The following PHKA1 variants were observed in gnomAD, a reference collection of about 807,000 sequenced individuals.
PHKA1 encodes the protein phosphorylase b kinase regulatory subunit alpha, skeletal muscle isoform.
In PHKA1, 60 loss-of-function variants were observed where a neutral mutation model predicts 110.2. The ratio of observed to expected loss-of-function variants is 0.54; its 90% CI spans 0.44 to 0.68. PHKA1 has a LOEUF of 0.68. Ranked by LOEUF, PHKA1 falls within the 30% of genes least tolerant of loss-of-function variation. PHKA1 has a pLI of 0.00. For missense variants in PHKA1, 801 were observed against 942.5 expected, an observed-to-expected ratio of 0.85 and a Z score of 1.97; for synonymous variants, 316 against 333.6, an observed-to-expected ratio of 0.95 and a Z score of 0.58.
At chrX:72,675,276 G>A (rs1319223643) in intron 6 of PHKA1, among the ~76,000 whole-genome samples, 1 of 109,698 alleles carries the variant, frequency 9.1e-6, no homozygotes, top group Non-Finnish European at 1.9e-5. Context: ...ATTCTATTGT[G>A]ACTCCCTTTG....
intron 5 of PHKA1, 149 bp downstream of exon 5, chrX:72,684,349 A>G: frequency 2.1e-6 from 1 of 467,945 alleles, no homozygotes; most frequent in South Asian, 3.1e-5. Context: ...ACAGGTCTTA[A>G]TAAAGAAAGA....
At chrX:72,637,209 C>A (rs1556292297) in intron 14 of PHKA1, among the ~76,000 whole-genome samples, 1 of 112,110 alleles carries the variant, frequency 8.9e-6, no homozygotes, top group Non-Finnish European at 1.9e-5. Flanking sequence ...CAGTAAGTAA[C>A]TTTTCATGTC....
chrX:72,691,837 A>G (rs1556322248), intron 4 of PHKA1, among the ~76,000 whole-genome samples: 1 of 111,943 alleles, frequency 8.9e-6, no homozygotes, highest in South Asian at 3.7e-4. Flanking sequence ...TCCTTCATTT[A>G]TTTGATGCCT....
In PHKA1 at chrX:72,580,857, C is replaced by T. The variant is rs1347670456; in HGVS notation, c.*145G>A. The T allele has an allele frequency of 3.8e-5, 21 of 557,186 alleles. No homozygotes were observed. Among genetic ancestry groups the T allele is most frequent in the South Asian group, 5.3e-5 (2 of 37,955 alleles). The allele number at this position is 557,186 out of a possible 1,213,427, so 45.9% of individuals were successfully genotyped here. ...ACTTCTTCTACAGTAGTTAGTTTAT[C>T]GAAAAAGTTCTCTCTTCTTGGGAAG... On this transcript the variant is annotated 3_prime_UTR_variant, in exon 32 of 32. Transcript: ENST00000373542.
At chrX:72,710,825 ATTTTTTATT>A (rs1341359365) in intron 2 of PHKA1, among the ~76,000 whole-genome samples, 3 of 53,712 alleles carry the variant, frequency 5.6e-5, no homozygotes, top group African/African-American at 2.1e-4. Flanking sequence ...TTTATTTTTT[ATTTTTTATT>A]TTTTTATTTT....
At chrX:72,591,640 T>C (rs1556225544) in intron 29 of PHKA1, among the ~76,000 whole-genome samples, 2 of 111,819 alleles carry the variant, frequency 1.8e-5, no homozygotes, top group Admixed American at 9.5e-5. Flanking sequence ...AGCACACCAA[T>C]AGTTTTAGAA....
intron 4 of PHKA1, among the ~76,000 whole-genome samples, chrX:72,691,060 G>A (rs1472096699): frequency 1.8e-5 from 2 of 112,892 alleles, no homozygotes; most frequent in Non-Finnish European, 3.7e-5. Flanking sequence ...GGGCCACCGC[G>A]CCCAGCCTTG....
chrX:72,651,952 G>T (rs1556299301), intron 12 of PHKA1, among the ~76,000 whole-genome samples: 1 of 111,539 alleles, frequency 9.0e-6, no homozygotes, highest in East Asian at 2.8e-4. Context: ...CTCTGTGCAG[G>T]CTCAAAATGT....
intron 14 of PHKA1, among the ~76,000 whole-genome samples, chrX:72,636,663 G>A (rs2053234759): frequency 8.1e-5 from 9 of 111,641 alleles, no homozygotes; most frequent in Admixed American, 7.6e-4. Flanking sequence ...TACCTCTTAC[G>A]ATGAGAAAAT....
At chrX:72,692,903 T>G (rs1556323051) in intron 4 of PHKA1, among the ~76,000 whole-genome samples, 1 of 110,279 alleles carries the variant, frequency 9.1e-6, no homozygotes, top group African/African-American at 3.3e-5. Flanking sequence ...CTTTTTCCAG[T>G]GCCTTAAGGT....
chrX:72,579,896 G>A lies in PHKA1; in HGVS notation c.*1106C>T, dbSNP rs1031560195. Reference sequence around the variant, plus strand: ...GTTTAAGAATAGATGGGGGGATAGGGTGTCAGGGAGTTGAGTTGGATGTAG... The same window carrying A: ...GTTTAAGAATAGATGGGGGGATAGGATGTCAGGGAGTTGAGTTGGATGTAG... On this transcript the variant is annotated 3_prime_UTR_variant, in exon 32 of 32. Transcript: ENST00000373542. 2 of 111,703 alleles carry A rather than the reference G, an allele frequency of 1.8e-5. No individual in the cohort carries two copies. Among genetic ancestry groups the A allele is most frequent in the African/African-American group, 3.3e-5 (1 of 30,725 alleles). The allele number at this position is 111,703 out of a possible 1,213,427, so 9.2% of individuals were successfully genotyped here.
rs186003815 is a variant in PHKA1 at position 72,689,641 on chromosome X, A to C, written c.455-5061T>G. ...ATAAACATTTGGGTTATTTTCATTTATGGCTATCATAAGTAATGCTGCTAT... is the reference window on the plus strand; with the variant it reads ...ATAAACATTTGGGTTATTTTCATTTCTGGCTATCATAAGTAATGCTGCTAT... On this transcript the variant is annotated intron_variant, in intron 4 of 31. Coordinates refer to ENST00000373542, the MANE Select transcript of PHKA1 (RefSeq NM_002637.4). 4.1e-4 allele frequency among the ~76,000 whole-genome samples: 46 copies of C among 112,274 alleles called. 1 individual carries two copies. The Admixed American group carries it at 4.4e-3, about 11-fold the overall frequency.
Position 72,581,027 on chromosome X carries a change from G to A in PHKA1, c.3647C>T (p.Pro1216Leu), listed in dbSNP as rs782768324. ...AAATYVQEFLPHSICAMQ is the reference protein window; with the variant it reads ...AAATYVQEFLLHSICAMQ ...TCATTGCATGGCACAGATGCTGTGG[G>A]GCAGGAACTCCTGCACGTAGGTGGC... is the stretch of plus-strand genomic sequence containing the variant. Residue 1216 changes from proline (P) to leucine (L), a missense_variant, in exon 32 of 32, where the codon CCC becomes CTC. Pro to Leu is a moderately conservative substitution (Grantham distance 98). Transcript: ENST00000373542. The A allele has an allele frequency of 4.1e-6, 5 of 1,211,038 alleles. No individual in the cohort carries two copies. The South Asian group carries it at 7.0e-5, about 17-fold the overall frequency.
At chrX:72,593,554 G>A in intron 28 of PHKA1, 1 of 268,259 alleles carries the variant, frequency 3.7e-6, no homozygotes, top group Non-Finnish European at 6.8e-6. Flanking sequence ...TGTTAGCCAG[G>A]ATGGTCTTGA....
intron 16 of PHKA1, among the ~76,000 whole-genome samples, chrX:72,632,090 G>A (rs1427481833): frequency 3.6e-5 from 4 of 111,198 alleles, no homozygotes; most frequent in Non-Finnish European, 5.7e-5. Context: ...TGGCAATATC[G>A]TTTGTATGAT....
At chrX:72,622,211 A>G in intron 18 of PHKA1, 1 of 754,259 alleles carries the variant, frequency 1.3e-6, no homozygotes, top group Non-Finnish European at 1.6e-6. Flanking sequence ...GGGCCCAAAA[A>G]AGAAAATAGT....
rs782445663 is a variant in PHKA1 at position 72,672,347 on chromosome X, G to A, written c.618+3723C>T. Among the ~76,000 whole-genome samples the A allele has an allele frequency of 2.7e-5, 3 of 111,730 alleles. No homozygotes were observed. In the East Asian group the frequency reaches 8.4e-4, roughly 31 times the overall value. On this transcript the variant is annotated intron_variant, in intron 6 of 31. Transcript: ENST00000373542. ...TGGGGTCTTTCCTCCATTGTCTTGAGGAATAGCACCTGGCTCCCGTTCATC... is the reference window on the plus strand; with the variant it reads ...TGGGGTCTTTCCTCCATTGTCTTGAAGAATAGCACCTGGCTCCCGTTCATC...
chrX:72,627,811 CTTTTTTTTTTTTTT>C (rs1160541868), intron 16 of PHKA1, among the ~76,000 whole-genome samples: 1 of 67,869 alleles, frequency 1.5e-5, no homozygotes, highest in Non-Finnish European at 2.6e-5. Flanking sequence ...TTTTCCTACA[CTTTTTTTTTTTTTT>C]TTTTTTTTTT....
Position 72,659,906 on chromosome X carries a change from G to A in PHKA1, c.865-2265C>T, listed in dbSNP as rs781842534. ...CAATATGTAAATACACCATGGTTGT[G>A]TTCCAATAAAACTCTATTTATAACA... On this transcript the variant is annotated intron_variant, in intron 8 of 31. Transcript: ENST00000373542. Among the ~76,000 whole-genome samples, 10 of 112,157 alleles carry A rather than the reference G, an allele frequency of 8.9e-5. No homozygotes were observed. The South Asian group carries it at 3.7e-3, about 42-fold the overall frequency.
Sources: allele counts gnomAD v4.1 joint callset (sites outside exome capture counted in the v4.1 genomes callset), GRCh38; gene constraint gnomAD v4.1.1; transcripts MANE v1.5; gene names NCBI Gene and HGNC (gene_info 2026-07-23, HGNC 2026-07-21).